GATAD2B: variants seen among roughly 807,000 people sequenced by gnomAD.
GATAD2B encodes the protein GATA zinc finger domain containing 2B.
GATAD2B carries 8 observed loss-of-function variants against 64.3 expected under a neutral mutation model. The observed-to-expected ratio is 0.12, with a 90% CI of 0.07 to 0.22. The LOEUF is 0.22. GATAD2B is among the 10% of genes least tolerant of loss of function. GATAD2B has a pLI of 1.00. For synonymous variants in GATAD2B, 281 were observed against 271.3 expected, an observed-to-expected ratio of 1.04 and a Z score of -0.35; for missense variants, 453 against 752.0, an observed-to-expected ratio of 0.60 and a Z score of 4.65.
chr1:153,820,888 A>ACAAT (rs1483238157), intron 2 of GATAD2B, among the ~76,000 whole-genome samples: 2 of 151,524 alleles, frequency 1.3e-5, no homozygotes, highest in Admixed American at 1.3e-4. Context: ...TTGGCCTTAA[A>ACAAT]CAATCAACTT....
At chr1:153,885,567 C>CA (rs1677152898) in intron 1 of GATAD2B, among the ~76,000 whole-genome samples, 1 of 151,770 alleles carries the variant, frequency 6.6e-6, no homozygotes, top group Non-Finnish European at 1.5e-5. Context: ...ACTAAAAATA[C>CA]AAAAACTAGC....
intron 1 of GATAD2B, among the ~76,000 whole-genome samples, chr1:153,860,925 G>C (rs923959219): frequency 1.3e-5 from 2 of 152,066 alleles, no homozygotes; most frequent in African/African-American, 4.8e-5. Flanking sequence ...CATAAACCAC[G>C]GGGCCCAGCC....
At chr1:153,897,972 C>G (rs1039149223) in intron 1 of GATAD2B, among the ~76,000 whole-genome samples, 1 of 147,490 alleles carries the variant, frequency 6.8e-6, no homozygotes, top group Non-Finnish European at 1.5e-5. Context: ...ATAATGAGAC[C>G]CTGTCTCAAA....
intron 1 of GATAD2B, among the ~76,000 whole-genome samples, chr1:153,891,658 A>C: frequency 7.0e-5 from 1 of 14,280 alleles, no homozygotes; most frequent in Admixed American, 1.0e-3. Flanking sequence ...AGAGGAGGTA[A>C]GTATGGGGGG....
intron 1 of GATAD2B, among the ~76,000 whole-genome samples, chr1:153,880,918 C>A (rs1676989662): frequency 6.6e-6 from 1 of 152,102 alleles, no homozygotes; most frequent in South Asian, 2.1e-4. Flanking sequence ...CACTTGCACA[C>A]AGAAGCTCTC....
intron 1 of GATAD2B, among the ~76,000 whole-genome samples, chr1:153,920,304 G>A (rs1316093713): frequency 1.3e-5 from 2 of 152,226 alleles, no homozygotes; most frequent in African/African-American, 4.8e-5. Context: ...TCAACCTGGA[G>A]GTCCAGCCTT....
rs141879574 is a variant in GATAD2B at position 153,879,385 on chromosome 1, T to C, written c.-2+43348A>G. Among the ~76,000 whole-genome samples the C allele has an allele frequency of 3.2e-3, 487 of 152,222 alleles. 2 individuals carry two copies. The highest frequency in any genetic ancestry group is 0.011 in the African/African-American group (449 of 41,554). On this transcript the variant is annotated intron_variant, in intron 1 of 10. Transcript: ENST00000368655. ...CCACCGCTCTCGGCCCCATACTTTA[T>C]TCTTTAATATACTTTCTCATTTTCA...
intron 1 of GATAD2B, among the ~76,000 whole-genome samples, chr1:153,836,112 G>A (rs990765149): frequency 3.9e-5 from 6 of 151,990 alleles, no homozygotes; most frequent in Non-Finnish European, 7.4e-5. Flanking sequence ...GGTCTGGAAT[G>A]GAACATACAA....
At chr1:153,838,997 TACTCAGGTG>T (rs772859239) in intron 1 of GATAD2B, among the ~76,000 whole-genome samples, 1 of 150,240 alleles carries the variant, frequency 6.7e-6, no homozygotes, top group Non-Finnish European at 1.5e-5. Flanking sequence ...TAATCCCAGC[TACTCAGGTG>T]GCTGAGGCAT....
chr1:153,844,214 G>GA (rs550941692), intron 1 of GATAD2B, among the ~76,000 whole-genome samples: 177 of 149,934 alleles, frequency 1.2e-3, no homozygotes, highest in Non-Finnish European at 1.4e-3. Context: ...AAGACTGGGG[G>GA]AAAAAAAAAC....
intron 1 of GATAD2B, among the ~76,000 whole-genome samples, chr1:153,916,266 C>T (rs903794152): frequency 7.0e-6 from 1 of 143,212 alleles, no homozygotes; most frequent in Non-Finnish European, 1.5e-5. Flanking sequence ...CAGAGTGAGA[C>T]TCCACCTCAA....
At chr1:153,822,053 C>T (rs570847679) in intron 2 of GATAD2B, among the ~76,000 whole-genome samples, 16 of 151,938 alleles carry the variant, frequency 1.1e-4, no homozygotes, top group South Asian at 4.2e-4. Context: ...TGGTAGTATA[C>T]GCCTGTAATC....
rs907778935 is a variant in GATAD2B, at chr1:153,818,787, T to C, written c.597+4A>G. 6 of 1,612,934 alleles carry C rather than the reference T, an allele frequency of 3.7e-6. No individual in the cohort carries two copies. The Admixed American group carries it at 1.0e-4, about 27-fold the overall frequency. On this transcript the variant is annotated splice_donor_region_variant and intron_variant, in intron 4 of 10. Coordinates refer to ENST00000368655, the MANE Select transcript of GATAD2B (RefSeq NM_020699.4). ...CTTAGTCCCTTATTTCTAGGGCACA[T>C]TACCTTCTGGACCACATTCTCTTTC...
chr1:153,904,029 C>T lies in GATAD2B; in HGVS notation c.-2+18704G>A, dbSNP rs1249952216. The stretch of plus-strand genomic sequence containing the variant: ...GGCCCGGTGGCTCACGCCTGTAATC[C>T]CAGCACTTCGGGAAGGTAAGGCGGG... On this transcript the variant is annotated intron_variant, in intron 1 of 10. Transcript: ENST00000368655. 2.6e-5 allele frequency among the ~76,000 whole-genome samples: 4 copies of T among 152,028 alleles called. No homozygotes were observed. The South Asian group carries it at 8.3e-4, about 32-fold the overall frequency.
chr1:153,865,223 G>A (rs1676434389), intron 1 of GATAD2B, among the ~76,000 whole-genome samples: 2 of 152,260 alleles, frequency 1.3e-5, no homozygotes, highest in South Asian at 4.2e-4. Context: ...ACTATGGTAG[G>A]CCAAGGCGGG....
chr1:153,824,799 T>C (rs1296370731), intron 2 of GATAD2B, among the ~76,000 whole-genome samples: 1 of 150,506 alleles, frequency 6.6e-6, no homozygotes, highest in Non-Finnish European at 1.5e-5. Flanking sequence ...ATGAAAAATG[T>C]TGGGCCCGGC....
At chr1:153,902,013 G>T (rs994274666) in intron 1 of GATAD2B, among the ~76,000 whole-genome samples, 3 of 149,098 alleles carry the variant, frequency 2.0e-5, no homozygotes, top group African/African-American at 7.3e-5. Flanking sequence ...GCGCACAGTG[G>T]TTCACACCTG....
Position 153,920,866 on chromosome 1 carries a change from G to A in GATAD2B, c.-2+1867C>T, listed in dbSNP as rs529328363. Among the ~76,000 whole-genome samples, 2 of 152,212 alleles carry A rather than the reference G, an allele frequency of 1.3e-5. 1 individual carries two copies. On this transcript the variant is annotated intron_variant, in intron 1 of 10. Coordinates refer to ENST00000368655, the MANE Select transcript of GATAD2B (RefSeq NM_020699.4). ...TAAAAAAACTCTATTCCCCTAAAAA[G>A]TGAAGACAGCCTTACCATCAACTAG...
chr1:153,874,140 T>G (rs538350200), intron 1 of GATAD2B, among the ~76,000 whole-genome samples: 277 of 151,964 alleles, frequency 1.8e-3, no homozygotes, highest in African/African-American at 6.2e-3. Context: ...CGTGTGCCTG[T>G]AGTCCCAGCT....
Sources: allele counts gnomAD v4.1 joint callset (sites outside exome capture counted in the v4.1 genomes callset), GRCh38; gene constraint gnomAD v4.1.1; transcripts MANE v1.5; gene names NCBI Gene and HGNC (gene_info 2026-07-23, HGNC 2026-07-21).